The following TNRC18 variants were observed in gnomAD, a reference collection of about 807,000 sequenced individuals.
TNRC18 encodes the protein trinucleotide repeat-containing gene 18 protein.
A neutral mutation model predicts 226.7 loss-of-function variants in TNRC18; 69 were observed. The ratio of observed to expected loss-of-function variants is 0.30; its 90% CI spans 0.25 to 0.37. The LOEUF (loss-of-function observed/expected upper bound fraction) is 0.37, where lower values mean the gene tolerates loss of function less well. TNRC18 is among the 10% of genes least tolerant of loss of function. The probability of loss-of-function intolerance (pLI) is 1.00; values close to 1 mark genes in which losing one functional copy is unlikely to be tolerated. For missense variants in TNRC18, 4,754 were observed against 4,256.6 expected (o/e 1.12, Z -3.25); for synonymous variants, 2,449 against 1,927.6 (o/e 1.27, Z -7.09).
chr7:5,361,939 T>C lies in TNRC18; in HGVS notation c.4490A>G (p.Lys1497Arg). ...CTGCAGCTTCACCAGCTCACGCTGC[T>C]TCTCCTTGTACTGGCGCTGCACCTC... ...LAEVQRQYKEKQRELVKLQRR... is the reference protein window; with the variant it reads ...LAEVQRQYKERQRELVKLQRR... The change falls in exon 13 of 30, where the codon AAG (lysine) becomes AGG (arginine). Residue 1497 changes from lysine to arginine, a missense_variant. Transcript: ENST00000430969. 6.2e-7 allele frequency: 1 copy of C among 1,608,136 alleles called. No individual in the cohort carries two copies. The highest frequency in any genetic ancestry group is 8.5e-7 in the Non-Finnish European group (1 of 1,177,976).
chr7:5,373,663 G>A (rs759486822), intron 10 of TNRC18, among the ~76,000 whole-genome samples: 1 of 152,154 alleles, frequency 6.6e-6, no homozygotes, highest in Admixed American at 6.5e-5. Flanking sequence ...CGGCAAGAGC[G>A]GGTGTGTGCA....
In TNRC18 at chr7:5,359,440, C is replaced by A. The variant is rs762751516; in HGVS notation, c.4791G>T (p.Gln1597His). Reference protein sequence around the residue: ...IGMGKARGRNQTWDEHEASSD... With the variant: ...IGMGKARGRNHTWDEHEASSD... ...ACGAGGCCTCATGTTCATCCCAAGT[C>A]TGGTTCCTCCCCCTGGCTTTCCCCA... The change falls in exon 15 of 30, where the codon CAG becomes CAT. Residue 1597 changes from glutamine to histidine, a missense_variant. By Grantham distance (24) the Gln-to-His change is conservative. Transcript: ENST00000430969. The A allele has an allele frequency of 1.2e-6, 2 of 1,614,076 alleles. No homozygotes were observed. Among genetic ancestry groups the A allele is most frequent in the Admixed American group, 3.3e-5 (2 of 60,030 alleles).
chr7:5,374,742 G>A (rs1794484751), intron 9 of TNRC18, among the ~76,000 whole-genome samples: 1 of 152,222 alleles, frequency 6.6e-6, no homozygotes, highest in Admixed American at 6.5e-5. Flanking sequence ...TTCGAACCAG[G>A]GCTGATGGGG....
intron 5 of TNRC18, among the ~76,000 whole-genome samples, chr7:5,384,516 T>C (rs1182976133): frequency 6.8e-6 from 1 of 147,710 alleles, no homozygotes; most frequent in East Asian, 2.2e-4. Flanking sequence ...TCCCTCACAT[T>C]CGCATGTCCC....
At chr7:5,389,418 G>C (rs1285164562) in intron 4 of TNRC18, 82 bp from the exon 5 acceptor site, 2 of 1,198,100 alleles carry the variant, frequency 1.7e-6, no homozygotes, top group African/African-American at 3.3e-5. Flanking sequence ...ACCCCTGAGA[G>C]GGGGATGGAC....
chr7:5,330,918 A>G (rs930993124), intron 19 of TNRC18, among the ~76,000 whole-genome samples: 2 of 151,886 alleles, frequency 1.3e-5, no homozygotes, highest in African/African-American at 4.8e-5. Context: ...CAAGTGATCC[A>G]CCCACCTTGG....
chr7:5,359,482 A>G lies in TNRC18; in HGVS notation c.4749T>C (p.His1583=), dbSNP rs1454626821. 2 of 1,613,990 alleles carry G rather than the reference A, an allele frequency of 1.2e-6. No individual in the cohort carries two copies. The highest frequency in any genetic ancestry group is 2.2e-5 in the East Asian group (1 of 44,888). Residue 1583 remains histidine, a synonymous_variant, in exon 15 of 30, where the codon CAT becomes CAC. Transcript: ENST00000430969. ...RKRHKGSEEE[H]DALIGMGKAR... Reference sequence around the variant, plus strand: ...CTTTCCCCATTCCGATGAGGGCATCATGTTCCTCCTCAGACCCCTTGTGTC... The same window carrying G: ...CTTTCCCCATTCCGATGAGGGCATCGTGTTCCTCCTCAGACCCCTTGTGTC...
At chr7:5,397,856 G>A (rs960155718) in intron 2 of TNRC18, among the ~76,000 whole-genome samples, 2 of 152,124 alleles carry the variant, frequency 1.3e-5, no homozygotes, top group African/African-American at 4.8e-5. Context: ...TCATGCCTCT[G>A]TCTTCCCCGA....
chr7:5,417,974 T>G (rs1300410136), intron 2 of TNRC18, among the ~76,000 whole-genome samples: 1 of 151,878 alleles, frequency 6.6e-6, no homozygotes, highest in Non-Finnish European at 1.5e-5. Context: ...GCCAAGCCCC[T>G]CCCTTGTTAG....
In TNRC18 at chr7:5,312,984, G is replaced by A; in HGVS notation, c.7907C>T (p.Ser2636Phe). 1 of 1,076,968 alleles carries A rather than the reference G, an allele frequency of 9.3e-7. No homozygotes were observed. Among genetic ancestry groups the A allele is most frequent in the Non-Finnish European group, 1.3e-6 (1 of 741,988 alleles). 66.7% of individuals were successfully genotyped at this position (1,076,968 alleles called of 1,614,324 possible). ...AGAGGAAGAGGAGGAGGAGGAAGAG[G>A]AGGAGGAGGAAGAGGAGGATGAGGA... is the stretch of plus-strand genomic sequence containing the variant. ...SSSSSSSSSS[S>F]SSSSSSSSSS... The change falls in exon 27 of 30, where the codon TCC becomes TTC. Residue 2636 changes from serine to phenylalanine, a missense_variant. Ser to Phe is a radical substitution (Grantham distance 155). Coordinates refer to ENST00000430969, the MANE Select transcript of TNRC18 (RefSeq NM_001080495.3). This position sits in a 1 kb window ranked among gnomAD's most constrained non-coding sequence, Gnocchi z 6.3.
chr7:5,380,912 G>A (rs1473296449), intron 5 of TNRC18, among the ~76,000 whole-genome samples: 3 of 152,158 alleles, frequency 2.0e-5, no homozygotes, highest in Non-Finnish European at 4.4e-5. Context: ...CCACCCTCAC[G>A]CCCCCTGGGT....
chr7:5,335,301 C>CAA lies in TNRC18; in HGVS notation c.5720-2254_5720-2253dup, dbSNP rs1167746227. On this transcript the variant is annotated intron_variant, in intron 18 of 29. Transcript: ENST00000430969. ...TGGGCCACAGAGTGAGAATCTGTCT[C>CAA]AAAAAAAAAAAAAAAAAAAAAAATT... Among the ~76,000 whole-genome samples the CAA allele has an allele frequency of 4.6e-3, 271 of 58,518 alleles. 15 individuals are homozygous for CAA. The highest frequency in any genetic ancestry group is 0.014 in the African/African-American group (210 of 14,568). The allele number at this position is 58,518 out of a possible 152,430, so 38.4% of individuals were successfully genotyped here.
At chr7:5,362,454 A>G (rs1163793062) in intron 12 of TNRC18, among the ~76,000 whole-genome samples, 196 bp downstream of exon 12, 1 of 152,136 alleles carries the variant, frequency 6.6e-6, no homozygotes, top group Non-Finnish European at 1.5e-5. Flanking sequence ...ATGCTAGCAG[A>G]CAGGTAAACT....
chr7:5,416,240 C>T (rs569613747), intron 2 of TNRC18, among the ~76,000 whole-genome samples: 1 of 151,930 alleles, frequency 6.6e-6, no homozygotes, highest in South Asian at 2.1e-4. Flanking sequence ...CGGTGAAACC[C>T]CGTCTGTACT....
At chr7:5,363,345 G>A (rs1391686303) in intron 11 of TNRC18, among the ~76,000 whole-genome samples, 4 of 152,074 alleles carry the variant, frequency 2.6e-5, no homozygotes, top group African/African-American at 4.8e-5. Context: ...GCTCACGCCT[G>A]TAATCCCAGC....
intron 27 of TNRC18, among the ~76,000 whole-genome samples, chr7:5,310,131 G>A (rs1787028934): frequency 6.6e-6 from 1 of 152,110 alleles, no homozygotes; most frequent in South Asian, 2.1e-4. Flanking sequence ...TTGAACTTTT[G>A]GCCTCAAGTG....
In TNRC18 at chr7:5,306,851, CAACAAACAAAATTCCAA is replaced by C. The variant is rs1375086146; in HGVS notation, c.*1238_*1254del. ...TGAAAAAAGATCACACAGAATTTGC[CAACAAACAAAATTCCAA>C]AAGAAACATAAAAAAAAAAACCAAT... On this transcript the variant is annotated 3_prime_UTR_variant, in exon 30 of 30. Transcript: ENST00000430969. The C allele has an allele frequency of 6.7e-6, 1 of 149,350 alleles. No homozygotes were observed. The highest frequency in any genetic ancestry group is 6.7e-5 in the Admixed American group (1 of 14,860). 9.3% of individuals were successfully genotyped at this position (149,350 alleles called of 1,614,324 possible).
chr7:5,352,069 T>G lies in TNRC18; in HGVS notation c.5220A>C (p.Glu1740Asp). Residue 1740 changes from glutamate to aspartate, a missense_variant, in exon 17 of 30, where the codon GAA (glutamate) becomes GAC (aspartate). Coordinates refer to ENST00000430969, the MANE Select transcript of TNRC18 (RefSeq NM_001080495.3). ...SYNTDSEEDE[E>D]FLKDEWPAQG... The stretch of plus-strand genomic sequence containing the variant: ...GGGCGGGCCACTCGTCCTTCAGGAA[T>G]TCTTCGTCTTCCTCTGAGTCCGTAT... 6.2e-7 allele frequency: 1 copy of G among 1,610,142 alleles called. No homozygotes were observed.
At position 5,420,268 on chromosome 7, in the gene TNRC18, T is replaced by G. The variant is rs1413238216; in HGVS notation, c.187+792A>C. The G allele has an allele frequency of 3.7e-4, 147 of 399,928 alleles. 1 individual carries two copies. The highest frequency in any genetic ancestry group is 2.5e-3 in the South Asian group (143 of 56,420). The allele number at this position is 399,928 out of a possible 1,614,324, so 24.8% of individuals were successfully genotyped here. A position where few individuals can be genotyped will look rare whatever the true frequency, so the allele number is the denominator to read the frequency against. ...TCGGCCACCTCCTCCAGCAGCTCGA[T>G]GTGAGACCCAGGGTTTTCCCCTCCG... On this transcript the variant is annotated intron_variant, in intron 2 of 29. Coordinates refer to ENST00000430969, the MANE Select transcript of TNRC18 (RefSeq NM_001080495.3).
Sources: allele counts gnomAD v4.1 joint callset (sites outside exome capture counted in the v4.1 genomes callset), GRCh38; gene constraint gnomAD v4.1.1; non-coding constraint Gnocchi (gnomAD v3.1); transcripts MANE v1.5; gene names NCBI Gene and HGNC (gene_info 2026-07-23, HGNC 2026-07-21).